COP1: variants seen among roughly 807,000 people sequenced by gnomAD.
The protein encoded by COP1 is E3 ubiquitin-protein ligase COP1.
Under a neutral mutation model 101.3 loss-of-function variants are expected in COP1, and 24 were observed. The observed-to-expected ratio is 0.24, with a 90% CI of 0.17 to 0.33. COP1 has a LOEUF of 0.33. COP1 is among the 10% of genes least tolerant of loss of function. COP1 has a pLI of 1.00. For synonymous variants in COP1, 347 were observed against 341.9 expected (o/e 1.01, Z -0.17); for missense variants, 663 against 906.2 (o/e 0.73, Z 3.45).
chr1:176,013,297 G>A (rs1258636754), intron 15 of COP1, among the ~76,000 whole-genome samples: 2 of 152,080 alleles, frequency 1.3e-5, no homozygotes, highest in Non-Finnish European at 2.9e-5. Flanking sequence ...AGTAAGAAAA[G>A]AAAATACGGT....
chr1:176,122,714 G>A (rs1035997145), intron 8 of COP1, among the ~76,000 whole-genome samples: 15 of 152,116 alleles, frequency 9.9e-5, no homozygotes, highest in African/African-American at 3.4e-4. Flanking sequence ...TACTTATACC[G>A]CCTTTTAAAA....
At chr1:175,952,050 A>G (rs1014476518) in intron 18 of COP1, among the ~76,000 whole-genome samples, 1 of 152,208 alleles carries the variant, frequency 6.6e-6, no homozygotes, top group Non-Finnish European at 1.5e-5. Flanking sequence ...ACAAAGACAC[A>G]TTACATAAAG....
chr1:175,958,301 A>G (rs566991138), intron 18 of COP1, among the ~76,000 whole-genome samples: 22 of 152,154 alleles, frequency 1.4e-4, no homozygotes, highest in African/African-American at 4.1e-4. Flanking sequence ...CATGATTTAA[A>G]TATTTTCTGA....
chr1:176,116,548 G>A, intron 9 of COP1, 76 bp downstream of exon 9: 1 of 1,239,770 alleles, frequency 8.1e-7, no homozygotes, highest in Non-Finnish European at 1.2e-6. Flanking sequence ...GGACATTTTA[G>A]TAAACTAATC....
intron 11 of COP1, among the ~76,000 whole-genome samples, chr1:176,054,400 G>C (rs1673102366): frequency 6.6e-6 from 1 of 152,038 alleles, no homozygotes; most frequent in Admixed American, 6.6e-5. Context: ...GACCTCAGGT[G>C]ATCTGTCCGT....
intron 5 of COP1, among the ~76,000 whole-genome samples, chr1:176,155,015 G>A (rs750509122): frequency 6.6e-5 from 10 of 151,874 alleles, no homozygotes; most frequent in Non-Finnish European, 1.2e-4. Context: ...AGCATAAGAC[G>A]AATATTTACA....
Position 176,126,014 on chromosome 1 carries a change from A to T in COP1, c.968+8996T>A, listed in dbSNP as rs543837365. On this transcript the variant is annotated intron_variant, in intron 8 of 19. Coordinates refer to ENST00000367669, the MANE Select transcript of COP1 (RefSeq NM_022457.7). ...AGAATATATTTTTATTCTTTTTCAC[A>T]TCGTTCACTGCTGGCATATAAACAT... Among the ~76,000 whole-genome samples, 5 of 152,294 alleles carry T rather than the reference A, an allele frequency of 3.3e-5. No homozygotes were observed. In the East Asian group the frequency reaches 7.7e-4, roughly 23 times the overall value.
At chr1:176,145,328 GA>G (rs1305144125) in intron 6 of COP1, among the ~76,000 whole-genome samples, 8 of 151,768 alleles carry the variant, frequency 5.3e-5, no homozygotes, top group Non-Finnish European at 1.0e-4. Flanking sequence ...AGCTAAACTG[GA>G]AAAAAAATCT....
At chr1:176,070,334 C>CT (rs558421046) in intron 11 of COP1, among the ~76,000 whole-genome samples, 12,107 of 138,624 alleles carry the variant, frequency 0.087, 587 homozygotes, top group Non-Finnish European at 0.11. Flanking sequence ...CTTGTGCTGC[C>CT]TTTTTTTTTT....
chr1:175,985,518 T>C (rs894606292), intron 18 of COP1, among the ~76,000 whole-genome samples: 3 of 152,174 alleles, frequency 2.0e-5, no homozygotes, highest in Admixed American at 6.5e-5. Context: ...TATACCCCTG[T>C]GGGGACTTAA....
intron 15 of COP1, among the ~76,000 whole-genome samples, chr1:176,003,418 C>T (rs1206247659): frequency 2.0e-5 from 3 of 150,990 alleles, no homozygotes; most frequent in South Asian, 2.1e-4. Context: ...GACATGAAGT[C>T]CTTGCCCATG....
chr1:176,020,323 A>C (rs555622511), intron 15 of COP1, among the ~76,000 whole-genome samples: 13 of 151,972 alleles, frequency 8.6e-5, no homozygotes, highest in African/African-American at 3.1e-4. Flanking sequence ...AAAAAAAAAA[A>C]AAAAAAAACC....
chr1:176,110,289 C>CA, intron 9 of COP1, among the ~76,000 whole-genome samples: 1 of 152,354 alleles, frequency 6.6e-6, no homozygotes, highest in Admixed American at 6.5e-5. Context: ...CTCCTTCTAA[C>CA]AGCCTAAGAA....
intron 11 of COP1, among the ~76,000 whole-genome samples, chr1:176,079,064 T>G (rs1410060105): frequency 6.6e-6 from 1 of 152,118 alleles, no homozygotes; most frequent in Non-Finnish European, 1.5e-5. Flanking sequence ...TCAACCACTA[T>G]GGAAAGCAGT....
chr1:176,121,219 T>C (rs1687065769), intron 8 of COP1, among the ~76,000 whole-genome samples: 1 of 151,818 alleles, frequency 6.6e-6, no homozygotes. Context: ...AAATACTAAA[T>C]TTTTAATAAT....
At chr1:176,001,743 C>G (rs981845801) in intron 15 of COP1, among the ~76,000 whole-genome samples, 29 of 152,048 alleles carry the variant, frequency 1.9e-4, no homozygotes, top group African/African-American at 6.8e-4. Context: ...CCCTTTATTT[C>G]GGCCTGCAGA....
rs146389109 is a variant in COP1, at chr1:176,154,031, G to A, written c.763-4957C>T. Among the ~76,000 whole-genome samples, 397 of 152,280 alleles carry A rather than the reference G, an allele frequency of 2.6e-3. 3 individuals carry two copies. Among genetic ancestry groups the A allele is most frequent in the African/African-American group, 9.1e-3 (379 of 41,558 alleles). The stretch of plus-strand genomic sequence containing the variant: ...AGGATTTTTGCATGGATGTGAATCA[G>A]TAACACTGGTCTTAAGTTTCCTTTT... On this transcript the variant is annotated intron_variant, in intron 5 of 19. Transcript: ENST00000367669.
At chr1:175,986,743 T>C (rs919002590) in intron 18 of COP1, among the ~76,000 whole-genome samples, 200 bp downstream of exon 18, 2 of 152,352 alleles carry the variant, frequency 1.3e-5, no homozygotes, top group Non-Finnish European at 2.9e-5. Context: ...CAGAGGGACA[T>C]TATGACACCA....
intron 11 of COP1, among the ~76,000 whole-genome samples, chr1:176,070,350 T>TA (rs1558045413): frequency 1.2e-4 from 18 of 148,076 alleles, no homozygotes; most frequent in Admixed American, 2.0e-4. Flanking sequence ...TTTTTTTTTT[T>TA]AACTTTTTTT....
Sources: gnomAD v4.1 joint callset for allele counts (sites outside exome capture counted in the v4.1 genomes callset) on GRCh38, gnomAD v4.1.1 for gene constraint, MANE v1.5 for transcripts, NCBI Gene and HGNC (gene_info 2026-07-23, HGNC 2026-07-21) for gene names.